The following SLC2A9 variants were observed in gnomAD, a reference collection of about 807,000 sequenced individuals.
The protein encoded by SLC2A9 is solute carrier family 2 member 9.
SLC2A9 carries 39 observed loss-of-function variants against 50.6 expected under a neutral mutation model. The observed-to-expected ratio is 0.77, with a 90% CI of 0.60 to 1.01. The LOEUF (loss-of-function observed/expected upper bound fraction) is 1.01, where lower values mean the gene tolerates loss of function less well. Ranked by LOEUF, SLC2A9 falls within the 50% of genes least tolerant of loss-of-function variation. The pLI, the probability that SLC2A9 is intolerant of heterozygous loss-of-function variation, is 0.00. For missense variants in SLC2A9, 686 were observed against 677.6 expected (o/e 1.01, Z -0.14); for synonymous variants, 324 against 276.9 (o/e 1.17, Z -1.69).
At chr4:9,894,018 T>C (rs147439739) in intron 8 of SLC2A9, among the ~76,000 whole-genome samples, 1,574 of 152,290 alleles carry the variant, frequency 0.01, 11 homozygotes, top group Middle Eastern at 0.017. Flanking sequence ...GGAAGTGGGA[T>C]AGATGCTGTT....
At chr4:9,783,154 C>T (rs746381541) in intron 3 of SLC2A9, 4 of 1,614,118 alleles carry the variant, frequency 2.5e-6, no homozygotes, top group East Asian at 2.2e-5. Flanking sequence ...TGCTGGGGTG[C>T]AGCCACTTCT....
chr4:10,029,720 G>A (rs185488387), intron 1 of SLC2A9, among the ~76,000 whole-genome samples: 5 of 151,984 alleles, frequency 3.3e-5, no homozygotes, highest in East Asian at 3.9e-4. Flanking sequence ...GGGTTCAAGC[G>A]ATTCTGCTGC....
At chr4:10,016,657 C>T (rs181232472) in intron 2 of SLC2A9, among the ~76,000 whole-genome samples, 1 of 152,226 alleles carries the variant, frequency 6.6e-6, no homozygotes, top group Admixed American at 6.5e-5. Flanking sequence ...AGCTCTGGCC[C>T]CTCCTGTCCT....
At chr4:9,886,755 CTG>C (rs1240770244) in intron 10 of SLC2A9, among the ~76,000 whole-genome samples, 4 of 152,270 alleles carry the variant, frequency 2.6e-5, no homozygotes, top group Admixed American at 2.0e-4. Context: ...GAGCACATGG[CTG>C]TGTCAGACCC....
rs115028996 is a variant in SLC2A9 at position 9,985,099 on chromosome 4, T to C, written c.535+570A>G. ...TGAGCAGTCTTCCCTGATTGGCCTTTCTAAAACAGCCCTCACCACCCTCCT... is the reference window on the plus strand; with the variant it reads ...TGAGCAGTCTTCCCTGATTGGCCTTCCTAAAACAGCCCTCACCACCCTCCT... On this transcript the variant is annotated intron_variant, in intron 4 of 11. Coordinates refer to ENST00000264784, the MANE Select transcript of SLC2A9 (RefSeq NM_020041.3). Among the ~76,000 whole-genome samples the C allele has an allele frequency of 3.5e-3, 536 of 152,268 alleles. 1 individual carries two copies. The highest frequency in any genetic ancestry group is 0.012 in the African/African-American group (501 of 41,552).
At chr4:9,776,750 G>T (rs1490185353), downstream of SLC2A9, among the ~76,000 whole-genome samples, 1 of 152,030 alleles carries the variant, frequency 6.6e-6, no homozygotes, top group African/African-American at 2.4e-5. Flanking sequence ...CTTATAACAG[G>T]GGCTTAAAGA....
intron 5 of SLC2A9, among the ~76,000 whole-genome samples, chr4:9,975,766 A>G (rs1390864263): frequency 6.6e-6 from 1 of 152,226 alleles, no homozygotes; most frequent in Non-Finnish European, 1.5e-5. Flanking sequence ...CAAAGAAAAT[A>G]AATTATTCTA....
intron 10 of SLC2A9, among the ~76,000 whole-genome samples, chr4:9,881,232 C>A (rs1014140805): frequency 7.2e-5 from 11 of 152,350 alleles, no homozygotes; most frequent in African/African-American, 4.8e-5. Context: ...TGGAATCATG[C>A]AGTGTTAGAA....
upstream of SLC2A9, among the ~76,000 whole-genome samples, chr4:10,025,377 G>A (rs1763716749): frequency 6.6e-6 from 1 of 152,152 alleles, no homozygotes; most frequent in African/African-American, 2.4e-5. Flanking sequence ...CATGTAAAGA[G>A]TCTCTCTTTA....
chr4:9,926,193 G>A (rs1744861674), intron 6 of SLC2A9, among the ~76,000 whole-genome samples: 2 of 151,984 alleles, frequency 1.3e-5, no homozygotes, highest in Admixed American at 6.6e-5. Context: ...GGCAGGTCTT[G>A]GAGCTGGAGA....
At position 9,938,135 on chromosome 4, in the gene SLC2A9, C is replaced by G. The variant is rs146744389; in HGVS notation, c.814+3778G>C. 1.2e-4 allele frequency among the ~76,000 whole-genome samples: 19 copies of G among 152,280 alleles called. No homozygotes were observed. In the East Asian group the frequency reaches 3.7e-3, roughly 29 times the overall value. On this transcript the variant is annotated intron_variant, in intron 6 of 11. Coordinates refer to ENST00000264784, the MANE Select transcript of SLC2A9 (RefSeq NM_020041.3). ...TATCATTTTCAGTTTTAAGCAGATACACGATTACTTATCTAACTGTTCTTA... is the reference window on the plus strand; with the variant it reads ...TATCATTTTCAGTTTTAAGCAGATAGACGATTACTTATCTAACTGTTCTTA...
chr4:9,790,368 T>C (rs1189149163), intron 3 of SLC2A9, among the ~76,000 whole-genome samples: 1 of 152,220 alleles, frequency 6.6e-6, no homozygotes, highest in Non-Finnish European at 1.5e-5. Context: ...ATGAGTGAGA[T>C]CTGCTCAGCA....
At position 9,920,536 on chromosome 4, in the gene SLC2A9, T is replaced by A. The variant is rs1298447334; in HGVS notation, c.851A>T (p.Gln284Leu). Residue 284 changes from glutamine to leucine, a missense_variant, in exon 7 of 12, where the codon CAA (glutamine) becomes CTA (leucine). Coordinates refer to ENST00000264784, the MANE Select transcript of SLC2A9 (RefSeq NM_020041.3). ...CTCAGCCAGGACCTCCTCTACCTCT[T>A]GGGAAACGTCTGCTTTACCCAAGAA... ...QTFLGKADVS[Q>L]EVEEVLAESR... is the part of the protein sequence containing the mutation. 6.2e-7 allele frequency: 1 copy of A among 1,614,184 alleles called. No homozygotes were observed. Among genetic ancestry groups the A allele is most frequent in the East Asian group, 2.2e-5 (1 of 44,882 alleles).
chr4:9,868,190 G>T (rs1577610346), intron 10 of SLC2A9, among the ~76,000 whole-genome samples: 1 of 152,210 alleles, frequency 6.6e-6, no homozygotes, highest in African/African-American at 2.4e-5. Context: ...GTGGGCATTA[G>T]TCAAGTTCCA....
At position 9,828,415 on chromosome 4, in the gene SLC2A9, C is replaced by T. The variant is rs112255785; in HGVS notation, c.1420-1815G>A. ...CAGAGTGATCCTGTTAAACAAAGGA[C>T]AAAACTTGTCACTCCTCTGCTCAAA... On this transcript the variant is annotated intron_variant, in intron 11 of 11. Transcript: ENST00000264784. Among the ~76,000 whole-genome samples, 1,494 of 152,260 alleles carry T rather than the reference C, an allele frequency of 9.8e-3. 28 individuals are homozygous for T. Among genetic ancestry groups the T allele is most frequent in the African/African-American group, 0.034 (1,405 of 41,544 alleles).
At chr4:9,983,613 C>T (rs1363454701) in intron 4 of SLC2A9, among the ~76,000 whole-genome samples, 1 of 152,186 alleles carries the variant, frequency 6.6e-6, no homozygotes, top group Non-Finnish European at 1.5e-5. Context: ...GAAGCCACCG[C>T]AGACACATGA....
intron 5 of SLC2A9, among the ~76,000 whole-genome samples, chr4:9,944,139 A>G (rs1473180772): frequency 1.3e-5 from 2 of 152,212 alleles, no homozygotes; most frequent in Admixed American, 6.5e-5. Flanking sequence ...TGATCCACCC[A>G]GGCTCATTGG....
At chr4:10,024,580 A>T (rs747579351), upstream of SLC2A9, among the ~76,000 whole-genome samples, 2 of 152,150 alleles carry the variant, frequency 1.3e-5, no homozygotes, top group Non-Finnish European at 2.9e-5. Flanking sequence ...AGACTGTGAG[A>T]CAATACATTT....
At chr4:9,821,586 T>C (rs1266484956), downstream of SLC2A9, among the ~76,000 whole-genome samples, 1 of 152,154 alleles carries the variant, frequency 6.6e-6, no homozygotes, top group Non-Finnish European at 1.5e-5. Context: ...CCATGGCACG[T>C]GTATACCTAT....
Sources: gnomAD v4.1 joint callset for allele counts (sites outside exome capture counted in the v4.1 genomes callset) on GRCh38, gnomAD v4.1.1 for gene constraint, MANE v1.5 for transcripts, NCBI Gene and HGNC (gene_info 2026-07-23, HGNC 2026-07-21) for gene names.